The following OSBPL6 variants were observed in gnomAD, a reference collection of about 807,000 sequenced individuals.
OSBPL6 encodes oxysterol binding protein like 6.
OSBPL6 carries 49 observed loss-of-function variants against 125.8 expected under a neutral mutation model. That is an observed-to-expected ratio of 0.39 (90% CI 0.31 to 0.49). The LOEUF is 0.49. OSBPL6 is among the 20% of genes least tolerant of loss of function. The pLI, the probability that OSBPL6 is intolerant of heterozygous loss-of-function variation, is 0.88. For missense variants in OSBPL6, 986 were observed against 1,135.4 expected (o/e 0.87, Z 1.89); for synonymous variants, 394 against 391.8 (o/e 1.01, Z -0.07).
chr2:178,350,390 A>T (rs1210750916), intron 12 of OSBPL6, among the ~76,000 whole-genome samples: 1 of 152,100 alleles, frequency 6.6e-6, no homozygotes, highest in Non-Finnish European at 1.5e-5. Flanking sequence ...TAAACATTGT[A>T]TTGCTTTTCG....
At chr2:178,330,228 G>T (rs933796956) in intron 5 of OSBPL6, among the ~76,000 whole-genome samples, 1 of 151,996 alleles carries the variant, frequency 6.6e-6, no homozygotes, top group African/African-American at 2.4e-5. Flanking sequence ...GAAACCACAG[G>T]AAAAAACCGT....
In OSBPL6 at chr2:178,210,250, C is replaced by T. The variant is rs2153953484; in HGVS notation, c.-351+15576C>T. 1.3e-5 allele frequency among the ~76,000 whole-genome samples: 2 copies of T among 152,034 alleles called. 1 individual carries two copies. Among genetic ancestry groups the T allele is most frequent in the East Asian group, 3.9e-4 (2 of 5,150 alleles). On this transcript the variant is annotated intron_variant, in intron 1 of 24. Coordinates refer to ENST00000190611, the MANE Select transcript of OSBPL6 (RefSeq NM_032523.4). ...ATGTTGGTCATGCTGGCCTTGAACT[C>T]CTGACCTCAAGTGATCCTCCCGCCT...
chr2:178,328,610 C>T (rs1468159519), intron 5 of OSBPL6, among the ~76,000 whole-genome samples: 2 of 152,156 alleles, frequency 1.3e-5, no homozygotes, highest in Admixed American at 6.6e-5. Flanking sequence ...ACCTCAGCCT[C>T]CTGAGTAGCT....
chr2:178,386,724 GACACACAC>G (rs10578361), intron 19 of OSBPL6, among the ~76,000 whole-genome samples: 3 of 144,772 alleles, frequency 2.1e-5, no homozygotes, highest in East Asian at 2.2e-4. Flanking sequence ...CACACACACA[GACACACAC>G]ACACACACAC....
rs755944128 is a variant in OSBPL6, at chr2:178,337,949, C to CTTTTTTTTTTTTTT, written c.791-1032_791-1031insTTTTTTTTTTTTTT. 6.7e-4 allele frequency among the ~76,000 whole-genome samples: 93 copies of CTTTTTTTTTTTTTT among 139,118 alleles called. 4 individuals carry two copies. Among genetic ancestry groups the CTTTTTTTTTTTTTT allele is most frequent in the South Asian group, 3.9e-3 (17 of 4,310 alleles). 91.3% of individuals were successfully genotyped at this position (139,118 alleles called of 152,430 possible). ...AATAAGAAAAGTAACTCAGTATTCT[C>CTTTTTTTTTTTTTT]TTTTTTTTTTGAGACGGAGTCTTGC... is the stretch of plus-strand genomic sequence containing the variant. On this transcript the variant is annotated intron_variant, in intron 9 of 24. Transcript: ENST00000190611.
chr2:178,256,922 C>T (rs541674824), intron 1 of OSBPL6, among the ~76,000 whole-genome samples: 2 of 152,122 alleles, frequency 1.3e-5, no homozygotes, highest in South Asian at 4.1e-4. Context: ...GCAACTGTCT[C>T]TCAATATGAC....
At position 178,204,317 on chromosome 2, in the gene OSBPL6, C is replaced by T. The variant is rs1024293338; in HGVS notation, c.-351+9643C>T. Among the ~76,000 whole-genome samples the T allele has an allele frequency of 5.9e-5, 9 of 152,328 alleles. No homozygotes were observed. In the East Asian group the frequency reaches 1.7e-3, roughly 29 times the overall value. On this transcript the variant is annotated intron_variant, in intron 1 of 24. Transcript: ENST00000190611. ...GGGATTACAGGTGTGAGCCACCCTG[C>T]CCGGCCTCACTGAATTCTTGATGGG...
chr2:178,303,295 C>T (rs563141193), intron 2 of OSBPL6, among the ~76,000 whole-genome samples: 3 of 152,238 alleles, frequency 2.0e-5, no homozygotes, highest in Admixed American at 2.0e-4. Flanking sequence ...TTTCATTTTT[C>T]CTGCGGTGAC....
chr2:178,220,172 G>T (rs1259723909), intron 1 of OSBPL6, among the ~76,000 whole-genome samples: 1 of 152,150 alleles, frequency 6.6e-6, no homozygotes, highest in African/African-American at 2.4e-5. Flanking sequence ...AACTGGTTTG[G>T]CTGAGGCTTT....
At chr2:178,200,724 A>T (rs2089202642) in intron 1 of OSBPL6, among the ~76,000 whole-genome samples, 1 of 151,940 alleles carries the variant, frequency 6.6e-6, no homozygotes, top group Non-Finnish European at 1.5e-5. Context: ...ATTCCTTGAC[A>T]TTTTCTTTCT....
At chr2:178,344,314 G>A in intron 11 of OSBPL6, 8 of 1,614,110 alleles carry the variant, frequency 5.0e-6, no homozygotes, top group Non-Finnish European at 6.8e-6. Flanking sequence ...GGCCAGTTCA[G>A]CACAACTCGG....
chr2:178,327,577 T>C (rs149474204), intron 4 of OSBPL6, among the ~76,000 whole-genome samples: 9 of 152,342 alleles, frequency 5.9e-5, no homozygotes, highest in Admixed American at 5.9e-4. Context: ...AAGAGCCTAC[T>C]AGTTTCTCCT....
chr2:178,271,622 G>A (rs1399656466), intron 1 of OSBPL6, among the ~76,000 whole-genome samples: 1 of 152,156 alleles, frequency 6.6e-6, no homozygotes, highest in Non-Finnish European at 1.5e-5. Context: ...ATTTATGGCA[G>A]TGCTACTAAC....
intron 2 of OSBPL6, among the ~76,000 whole-genome samples, chr2:178,297,876 A>G (rs1046274214): frequency 1.3e-5 from 2 of 152,260 alleles, no homozygotes; most frequent in Non-Finnish European, 2.9e-5. Context: ...CATAAAATTT[A>G]TCATTTTAAC....
intron 1 of OSBPL6, among the ~76,000 whole-genome samples, chr2:178,223,711 G>T (rs2090436401): frequency 6.6e-6 from 1 of 152,170 alleles, no homozygotes; most frequent in African/African-American, 2.4e-5. Flanking sequence ...TCTTTTTAAT[G>T]ATTTTAGCAC....
chr2:178,230,780 T>C (rs961376727), intron 1 of OSBPL6, among the ~76,000 whole-genome samples: 2 of 152,174 alleles, frequency 1.3e-5, no homozygotes, highest in African/African-American at 4.8e-5. Context: ...TTTTGTGTGG[T>C]TTTGCAGTCT....
intron 1 of OSBPL6, among the ~76,000 whole-genome samples, chr2:178,241,503 C>T (rs988439790): frequency 1.0e-4 from 15 of 150,218 alleles, no homozygotes; most frequent in African/African-American, 2.5e-5. Flanking sequence ...GCAACCTCCA[C>T]ATCCTGGGTT....
intron 1 of OSBPL6, among the ~76,000 whole-genome samples, chr2:178,224,155 G>T (rs796220538): frequency 6.6e-6 from 1 of 152,180 alleles, no homozygotes; most frequent in South Asian, 2.1e-4. Context: ...CAATGAACCC[G>T]GGAAGGGAGA....
chr2:178,315,896 G>A (rs116942589), intron 3 of OSBPL6, among the ~76,000 whole-genome samples: 3,347 of 152,240 alleles, frequency 0.022, 53 homozygotes, highest in Middle Eastern at 0.061. Context: ...ACATTTTTAG[G>A]TGTTTCATTA....
Sources: gnomAD v4.1 joint callset for allele counts (sites outside exome capture counted in the v4.1 genomes callset) on GRCh38, gnomAD v4.1.1 for gene constraint, MANE v1.5 for transcripts, NCBI Gene and HGNC (gene_info 2026-07-23, HGNC 2026-07-21) for gene names.